STK3: variants seen among roughly 807,000 people sequenced by gnomAD.
STK3 encodes the protein serine/threonine kinase 3.
STK3 carries 41 observed loss-of-function variants against 58.0 expected under a neutral mutation model. The observed-to-expected ratio is 0.71, with a 90% CI of 0.55 to 0.92. STK3 has a LOEUF of 0.92. STK3 is among the 40% of genes least tolerant of loss of function. The pLI is 0.00. For missense variants in STK3, 479 were observed against 602.7 expected (o/e 0.79, Z 2.15); for synonymous variants, 170 against 191.0 (o/e 0.89, Z 0.91).
At position 98,435,597 on chromosome 8, in the gene STK3, C is replaced by T. The variant is rs557633327; in HGVS notation, n.292-1279G>A. Among the ~76,000 whole-genome samples, 47 of 149,314 alleles carry T rather than the reference C, an allele frequency of 3.1e-4. 2 individuals are homozygous for T. In the South Asian group the frequency reaches 8.7e-3, roughly 28 times the overall value. On this transcript the variant is annotated intron_variant and non_coding_transcript_variant, in intron 2 of 3. Transcript: ENST00000517832. ...GGGGAGGAGGGGCAGTGCAGGTGGA[C>T]GGGGAGGCGGCTCTGCAGGACTCCA...
At chr8:98,477,209 T>A (rs923575623) in intron 10 of STK3, among the ~76,000 whole-genome samples, 1 of 152,080 alleles carries the variant, frequency 6.6e-6, no homozygotes. Flanking sequence ...GCCAAAAGAG[T>A]AGTAAATTCA....
chr8:98,776,305 T>C (rs1274903003), intron 1 of STK3, among the ~76,000 whole-genome samples: 7 of 151,786 alleles, frequency 4.6e-5, no homozygotes, highest in Admixed American at 3.9e-4. Flanking sequence ...TTCTGATTGG[T>C]TTCACAAACA....
At chr8:98,807,853 G>A (rs1346184964) in intron 1 of STK3, among the ~76,000 whole-genome samples, 6 of 152,204 alleles carry the variant, frequency 3.9e-5, no homozygotes, top group African/African-American at 1.4e-4. Context: ...AAACAGATAT[G>A]AGGAATGTTA....
intron 3 of STK3, among the ~76,000 whole-genome samples, chr8:98,758,927 C>T (rs774889301): frequency 6.6e-6 from 1 of 152,224 alleles, no homozygotes; most frequent in Non-Finnish European, 1.5e-5. Flanking sequence ...CGTCTCTCAA[C>T]CTTCATAGAA....
chr8:98,713,977 T>A (rs1365200051), intron 4 of STK3, among the ~76,000 whole-genome samples: 4 of 152,170 alleles, frequency 2.6e-5, no homozygotes, highest in African/African-American at 9.7e-5. Context: ...TGGTTCAACA[T>A]ACGCAAATGA....
At chr8:98,740,234 A>T (rs369893758) in intron 4 of STK3, among the ~76,000 whole-genome samples, 6,512 of 152,166 alleles carry the variant, frequency 0.043, 127 homozygotes, top group East Asian at 0.056. Flanking sequence ...GATTCAGGAA[A>T]TACAGAGAAC....
At chr8:98,525,894 G>C (rs1471634499) in intron 10 of STK3, among the ~76,000 whole-genome samples, 1 of 151,538 alleles carries the variant, frequency 6.6e-6, no homozygotes, top group East Asian at 1.9e-4. Context: ...TTTAAAAAAT[G>C]TACATATTTA....
chr8:98,731,333 C>A (rs1364097088), intron 4 of STK3, among the ~76,000 whole-genome samples: 1 of 152,028 alleles, frequency 6.6e-6, no homozygotes, highest in Non-Finnish European at 1.5e-5. Flanking sequence ...GCTCCTTGAC[C>A]CCAGTCTGCC....
intron 1 of STK3, among the ~76,000 whole-genome samples, chr8:98,449,526 C>G (rs988074369): frequency 1.3e-5 from 2 of 152,164 alleles, no homozygotes; most frequent in Non-Finnish European, 2.9e-5. Flanking sequence ...AACGATGAAA[C>G]TTCAGTGAAC....
chr8:98,806,820 T>C (rs1208417899), intron 1 of STK3, among the ~76,000 whole-genome samples: 1 of 151,934 alleles, frequency 6.6e-6, no homozygotes, highest in African/African-American at 2.4e-5. Context: ...CTGGAAAAAG[T>C]GACAACGCCA....
At chr8:98,751,549 G>A (rs958665583) in intron 3 of STK3, among the ~76,000 whole-genome samples, 2 of 152,064 alleles carry the variant, frequency 1.3e-5, no homozygotes, top group African/African-American at 4.8e-5. Flanking sequence ...AGCAAACTAG[G>A]GAGGTGAAAG....
chr8:98,497,170 T>C (rs1823203109), intron 10 of STK3, among the ~76,000 whole-genome samples: 1 of 152,138 alleles, frequency 6.6e-6, no homozygotes. Flanking sequence ...ATTGATTTTC[T>C]AGCAGGGTAC....
At chr8:98,877,390 T>A (rs898262242) in intron 3 of STK3, among the ~76,000 whole-genome samples, 4 of 152,204 alleles carry the variant, frequency 2.6e-5, no homozygotes, top group Non-Finnish European at 5.9e-5. Context: ...CTTCAACTGA[T>A]TGTTTAGACT....
intron 10 of STK3, among the ~76,000 whole-genome samples, chr8:98,494,563 G>C (rs893598486): frequency 6.7e-6 from 1 of 149,290 alleles, no homozygotes; most frequent in Non-Finnish European, 1.5e-5. Flanking sequence ...GCTAAGGTGG[G>C]TGGATCACTT....
chr8:98,911,205 A>G (rs1839117724), intron 1 of STK3, among the ~76,000 whole-genome samples: 1 of 152,198 alleles, frequency 6.6e-6, no homozygotes, highest in African/African-American at 2.4e-5. Flanking sequence ...TCAACAAATT[A>G]TTGTCTTCCT....
intron 4 of STK3, among the ~76,000 whole-genome samples, chr8:98,708,943 CTGG>C (rs1826177504): frequency 1.3e-5 from 2 of 151,750 alleles, no homozygotes; most frequent in Non-Finnish European, 2.9e-5. Flanking sequence ...AGGATGGGAG[CTGG>C]TTGCCGAAAA....
At chr8:98,732,298 A>G (rs1410445222) in intron 4 of STK3, among the ~76,000 whole-genome samples, 1 of 152,154 alleles carries the variant, frequency 6.6e-6, no homozygotes, top group East Asian at 1.9e-4. Context: ...TAACTAATAA[A>G]ATGGACTCAC....
intron 8 of STK3, among the ~76,000 whole-genome samples, chr8:98,557,954 G>A (rs1033484554): frequency 2.0e-5 from 3 of 152,158 alleles, no homozygotes; most frequent in African/African-American, 7.2e-5. Flanking sequence ...GCTCCATGAT[G>A]CAAGACTGTA....
At chr8:98,427,988 C>G in intron 3 of STK3, 1 of 1,550,424 alleles carries the variant, frequency 6.4e-7, no homozygotes, top group East Asian at 2.4e-5. Flanking sequence ...GCATGACCGG[C>G]CAGAGCCTGT....
Sources: gnomAD v4.1 joint callset for allele counts (sites outside exome capture counted in the v4.1 genomes callset) on GRCh38, gnomAD v4.1.1 for gene constraint, MANE v1.5 for transcripts, NCBI Gene and HGNC (gene_info 2026-07-23, HGNC 2026-07-21) for gene names.